Variants in CCDC191 observed in about 807,000 individuals in gnomAD.
CCDC191 encodes the protein coiled-coil domain containing 191.
CCDC191 carries 99 observed loss-of-function variants against 114.0 expected under a neutral mutation model. The ratio of observed to expected loss-of-function variants is 0.87; its 90% CI spans 0.74 to 1.03. CCDC191 has a LOEUF of 1.03. Among genes scored for constraint, CCDC191 ranks in the 50% least tolerant of loss-of-function variants. CCDC191 has a pLI of 0.00. For synonymous variants in CCDC191, 351 were observed against 376.0 expected, an observed-to-expected ratio of 0.93 and a Z score of 0.77; for missense variants, 973 against 1,087.0, an observed-to-expected ratio of 0.90 and a Z score of 1.47.
chr3:114,006,611 T>TATATATATATATAA lies in CCDC191; in HGVS notation c.1414-650_1414-649insTTATATATATATAT, dbSNP rs1553747190. ...AGATATATATATATATATATATATA[T>TATATATATATATAA]ATATATAAATATATATATTTTATAT... is the stretch of plus-strand genomic sequence containing the variant. On this transcript the variant is annotated intron_variant, in intron 9 of 16. Coordinates refer to ENST00000295878, the MANE Select transcript of CCDC191 (RefSeq NM_020817.2). Among the ~76,000 whole-genome samples the TATATATATATATAA allele has an allele frequency of 6.8e-4, 86 of 125,800 alleles. 1 individual carries two copies. The highest frequency in any genetic ancestry group is 3.2e-4 in the Non-Finnish European group (19 of 59,408). The allele number at this position is 125,800 out of a possible 152,430, so 82.5% of individuals were successfully genotyped here.
intron 7 of CCDC191, among the ~76,000 whole-genome samples, chr3:114,027,617 A>AAAG (rs1559919959): frequency 6.7e-6 from 1 of 148,910 alleles, no homozygotes; most frequent in South Asian, 2.1e-4. Flanking sequence ...AAAAAAAAAA[A>AAAG]AAAAAGAAAA....
intron 16 of CCDC191, among the ~76,000 whole-genome samples, chr3:113,974,036 C>A (rs1284098562): frequency 6.6e-6 from 1 of 151,586 alleles, no homozygotes; most frequent in African/African-American, 2.4e-5. Context: ...CTCACTAATT[C>A]TTTCCACTGC....
chr3:114,045,141 C>G (rs1245212776), intron 3 of CCDC191, among the ~76,000 whole-genome samples: 4 of 151,992 alleles, frequency 2.6e-5, no homozygotes, highest in Admixed American at 2.0e-4. Context: ...TTCTCAAAAC[C>G]CTTAACAGGC....
chr3:113,968,103 A>G (rs1466743451), intron 16 of CCDC191, among the ~76,000 whole-genome samples: 2 of 152,210 alleles, frequency 1.3e-5, no homozygotes, highest in African/African-American at 4.8e-5. Flanking sequence ...ACGGACATGC[A>G]AATATCTCTT....
intron 16 of CCDC191, among the ~76,000 whole-genome samples, chr3:113,970,522 A>G (rs1940692268): frequency 6.6e-6 from 1 of 152,020 alleles, no homozygotes; most frequent in Admixed American, 6.6e-5. Flanking sequence ...TATTATATTG[A>G]ATAAAAGTGC....
At position 114,053,624 on chromosome 3, in the gene CCDC191, A is replaced by T; in HGVS notation, c.102T>A (p.Gly34=). The T allele has an allele frequency of 6.3e-7, 1 of 1,589,270 alleles. No homozygotes were observed. Among genetic ancestry groups the T allele is most frequent in the Non-Finnish European group, 8.6e-7 (1 of 1,160,688 alleles). The change falls in exon 2 of 17, where the codon GGT becomes GGA. Residue 34 remains glycine, a synonymous_variant. Coordinates refer to ENST00000295878, the MANE Select transcript of CCDC191 (RefSeq NM_020817.2). ...TRKPSPKPTF[G]PDSVEHWIKR... Reference sequence around the variant, plus strand: ...TTATCCAGTGTTCCACACTGTCAGGACCAAAAGTAGGCTGTAGATAACATA... The same window carrying T: ...TTATCCAGTGTTCCACACTGTCAGGTCCAAAAGTAGGCTGTAGATAACATA...
In CCDC191 at chr3:113,964,777, C is replaced by G. The variant is rs930693309; in HGVS notation, c.*378G>C. The G allele has an allele frequency of 6.5e-6, 1 of 153,708 alleles. No individual in the cohort carries two copies. Among genetic ancestry groups the G allele is most frequent in the African/African-American group, 2.4e-5 (1 of 41,534 alleles). The allele number at this position is 153,708 out of a possible 1,614,324, so 9.5% of individuals were successfully genotyped here. A position where few individuals can be genotyped will look rare whatever the true frequency, so the allele number is the denominator to read the frequency against. On this transcript the variant is annotated 3_prime_UTR_variant, in exon 17 of 17. Coordinates refer to ENST00000295878, the MANE Select transcript of CCDC191 (RefSeq NM_020817.2). ...GCCCTTCCTTTCCGAGCACTCACCCCTGTTTATTTCTGTTTCATTAAGGTC... is the reference window on the plus strand; with the variant it reads ...GCCCTTCCTTTCCGAGCACTCACCCGTGTTTATTTCTGTTTCATTAAGGTC...
Position 113,998,524 on chromosome 3 carries a change from T to C in CCDC191, c.2163+3071A>G, listed in dbSNP as rs148765853. Among the ~76,000 whole-genome samples, 980 of 152,058 alleles carry C rather than the reference T, an allele frequency of 6.4e-3. 6 individuals carry two copies. The highest frequency in any genetic ancestry group is 0.032 in the South Asian group (153 of 4,812). On this transcript the variant is annotated intron_variant, in intron 13 of 16. Coordinates refer to ENST00000295878, the MANE Select transcript of CCDC191 (RefSeq NM_020817.2). ...TCGCCCAATGGGCTCATAAACAAAA[T>C]GGCCATGGTGGCAGAAACAGAGGTT...
At chr3:114,032,748 G>T (rs1469500108) in intron 6 of CCDC191, among the ~76,000 whole-genome samples, 9 of 152,092 alleles carry the variant, frequency 5.9e-5, no homozygotes, top group Non-Finnish European at 1.0e-4. Flanking sequence ...GCTTAAGGTG[G>T]CTTCTCCAGT....
At chr3:114,009,644 T>C (rs960181450) in intron 9 of CCDC191, among the ~76,000 whole-genome samples, 1 of 152,122 alleles carries the variant, frequency 6.6e-6, no homozygotes, top group African/African-American at 2.4e-5. Flanking sequence ...CACAAGTGTA[T>C]ATTCAATATA....
At chr3:114,035,612 C>A (rs548419125) in intron 5 of CCDC191, among the ~76,000 whole-genome samples, 2 of 152,188 alleles carry the variant, frequency 1.3e-5, no homozygotes, top group African/African-American at 4.8e-5. Flanking sequence ...TTATTCATTT[C>A]TATTATTATT....
chr3:114,034,902 C>T, intron 6 of CCDC191, 23 bp downstream of exon 6: 1 of 1,601,324 alleles, frequency 6.2e-7, no homozygotes, highest in Non-Finnish European at 8.5e-7. Context: ...AGAAACCCCA[C>T]AGTGCTTATC....
At position 113,982,369 on chromosome 3, in the gene CCDC191, G is replaced by C. The variant is rs115738982; in HGVS notation, c.2164-1576C>G. Among the ~76,000 whole-genome samples, 309 of 152,214 alleles carry C rather than the reference G, an allele frequency of 2.0e-3. 1 individual carries two copies. The highest frequency in any genetic ancestry group is 7.1e-3 in the African/African-American group (296 of 41,550). On this transcript the variant is annotated intron_variant, in intron 13 of 16. Transcript: ENST00000295878. ...TAAGGGTTCCTCGATAGAACTGGTT[G>C]TATTTCATTAATATTACCACATTTT... is the stretch of plus-strand genomic sequence containing the variant.
At position 114,054,616 on chromosome 3, in the gene CCDC191, G is replaced by A. The variant is rs562801219; in HGVS notation, c.91-981C>T. 2.6e-4 allele frequency among the ~76,000 whole-genome samples: 40 copies of A among 152,238 alleles called. 2 individuals carry two copies. The highest frequency in any genetic ancestry group is 1.5e-3 in the South Asian group (7 of 4,818). ...TGCACCACTGCGCTCCAGCCTGGGCGACAGAGCGAGACTCTGTCTCAAAAA... is the reference window on the plus strand; with the variant it reads ...TGCACCACTGCGCTCCAGCCTGGGCAACAGAGCGAGACTCTGTCTCAAAAA... On this transcript the variant is annotated intron_variant, in intron 1 of 16. Coordinates refer to ENST00000295878, the MANE Select transcript of CCDC191 (RefSeq NM_020817.2).
intron 8 of CCDC191, among the ~76,000 whole-genome samples, chr3:114,017,216 C>T (rs1439513613): frequency 6.6e-6 from 1 of 151,762 alleles, no homozygotes; most frequent in East Asian, 1.9e-4. Context: ...TCCAGCCAAT[C>T]CAGATGGCTA....
chr3:113,993,501 T>C (rs911156140), intron 13 of CCDC191, among the ~76,000 whole-genome samples: 7 of 152,146 alleles, frequency 4.6e-5, no homozygotes, highest in African/African-American at 1.2e-4. Flanking sequence ...GGAGAAAAGA[T>C]AGTCTTCTAA....
intron 2 of CCDC191, among the ~76,000 whole-genome samples, chr3:114,053,005 C>A (rs2076717314): frequency 6.6e-6 from 1 of 152,176 alleles, no homozygotes; most frequent in South Asian, 2.1e-4. Flanking sequence ...TACTCAGACT[C>A]AAAAATACAT....
intron 7 of CCDC191, among the ~76,000 whole-genome samples, chr3:114,028,757 C>G (rs2076361705): frequency 1.3e-5 from 2 of 150,270 alleles, no homozygotes; most frequent in African/African-American, 2.4e-5. Flanking sequence ...TATAAATTCA[C>G]AGTTATTTTA....
chr3:113,967,697 A>G (rs1940352731), intron 16 of CCDC191, among the ~76,000 whole-genome samples: 2 of 152,200 alleles, frequency 1.3e-5, no homozygotes, highest in African/African-American at 4.8e-5. Flanking sequence ...ATTATTAACT[A>G]TAGTCATCCT....
Sources: gnomAD v4.1 joint callset for allele counts (sites outside exome capture counted in the v4.1 genomes callset) on GRCh38, gnomAD v4.1.1 for gene constraint, MANE v1.5 for transcripts, NCBI Gene and HGNC (gene_info 2026-07-23, HGNC 2026-07-21) for gene names.